The following NDUFA11 variants were observed in gnomAD, a reference collection of about 807,000 sequenced individuals.
NDUFA11 encodes the protein NADH dehydrogenase [ubiquinone] 1 alpha subcomplex subunit 11.
A neutral mutation model predicts 11.3 loss-of-function variants in NDUFA11; 14 were observed. The ratio of observed to expected loss-of-function variants is 1.24; its 90% confidence interval spans 0.82 to 1.94. The LOEUF (loss-of-function observed/expected upper bound fraction) is 1.94. Among genes scored for constraint, NDUFA11 ranks in the 30% most tolerant of loss-of-function variants. The pLI is 0.00. For missense variants in NDUFA11, 204 were observed against 200.3 expected (o/e 1.02, Z -0.11); for synonymous variants, 87 against 85.6 (o/e 1.02, Z -0.09).
downstream of NDUFA11, chr19:5,891,503 G>T (rs2057578249): frequency 6.6e-6 from 1 of 152,240 alleles, no homozygotes; most frequent in African/African-American, 2.4e-5. Flanking sequence ...TGATCCCCCA[G>T]CCTCGGCCTC....
At chr19:5,903,028 AGG>A (rs1416278692) in intron 1 of NDUFA11, among the ~76,000 whole-genome samples, 1 of 146,170 alleles carries the variant, frequency 6.8e-6, no homozygotes, top group Non-Finnish European at 1.5e-5. Flanking sequence ...AAAAAAAAAA[AGG>A]AGAATGCCAG....
intron 1 of NDUFA11, chr19:5,901,279 C>T (rs1016379604): frequency 1.6e-6 from 2 of 1,252,712 alleles, no homozygotes; most frequent in South Asian, 1.3e-5. Context: ...AGTTTCAGAT[C>T]CTATCCCCTG....
chr19:5,899,063 GCACACA>G, intron 1 of NDUFA11, among the ~76,000 whole-genome samples: 1 of 147,332 alleles, frequency 6.8e-6, no homozygotes, highest in Non-Finnish European at 1.5e-5. Flanking sequence ...TTCAGTCAGT[GCACACA>G]CACACACACA....
intron 1 of NDUFA11, 30 bp from the exon 2 acceptor site, chr19:5,897,027 A>C (rs1333408842): frequency 6.4e-7 from 1 of 1,574,656 alleles, no homozygotes; most frequent in Non-Finnish European, 8.7e-7. Context: ...GGCTGTTCAG[A>C]CCCCACTGCT....
At chr19:5,900,620 A>G (rs1427637572) in intron 1 of NDUFA11, among the ~76,000 whole-genome samples, 5 of 152,208 alleles carry the variant, frequency 3.3e-5, no homozygotes, top group Non-Finnish European at 2.9e-5. Context: ...CTGGTCACTG[A>G]AGAATTTAGG....
downstream of NDUFA11, chr19:5,893,429 C>T: frequency 1.8e-6 from 1 of 566,044 alleles, no homozygotes; most frequent in Non-Finnish European, 3.2e-6. This position sits in a 1 kb window ranked among gnomAD's most constrained non-coding sequence, Gnocchi z 4.1. Context: ...CCTGCCACTG[C>T]CCTCCAGCTT....
chr19:5,902,613 T>C (rs1248512381), intron 1 of NDUFA11: 1 of 152,366 alleles, frequency 6.6e-6, no homozygotes, highest in Non-Finnish European at 1.5e-5. Flanking sequence ...CAGCTCCATC[T>C]GGGACCTGAT....
chr19:5,901,436 TC>T, intron 1 of NDUFA11: 1 of 1,287,104 alleles, frequency 7.8e-7, no homozygotes, highest in South Asian at 1.2e-5. Context: ...AATATGCTTC[TC>T]CAACCTTCAG....
At chr19:5,902,455 G>A (rs2057651898) in intron 1 of NDUFA11, 1 of 152,266 alleles carries the variant, frequency 6.6e-6, no homozygotes, top group Non-Finnish European at 1.5e-5. Flanking sequence ...TGCAGAGATG[G>A]GGATCTTGCT....
At chr19:5,898,710 C>T (rs1035642407) in intron 1 of NDUFA11, among the ~76,000 whole-genome samples, 1 of 151,850 alleles carries the variant, frequency 6.6e-6, no homozygotes, top group Non-Finnish European at 1.5e-5. Context: ...CCCTTCTCTA[C>T]TAAAAATACA....
In NDUFA11 at chr19:5,894,962, A is replaced by G. The variant is rs1018686730; in HGVS notation, c.314-108T>C. 6.5e-6 allele frequency: 8 copies of G among 1,226,242 alleles called. No individual in the cohort carries two copies. The African/African-American group carries it at 1.2e-4, about 19-fold the overall frequency. 76.0% of individuals were successfully genotyped at this position (1,226,242 alleles called of 1,614,324 possible). A position where few individuals can be genotyped will look rare whatever the true frequency, so the allele number is the denominator to read the frequency against. On this transcript the variant is annotated intron_variant, in intron 3 of 3. Transcript: ENST00000308961. ...TGGGAGCCAGACTGAGACCCCTGAC[A>G]GGACACTCTCTTCAGGGATTAAGTC...
At chr19:5,901,154 C>G (rs558660285) in intron 1 of NDUFA11, 3 of 457,736 alleles carry the variant, frequency 6.6e-6, no homozygotes, top group East Asian at 7.9e-5. Flanking sequence ...CACCACACCC[C>G]GAGACAAGCT....
intron 3 of NDUFA11, 140 bp from the exon 4 acceptor site, chr19:5,894,994 G>T: frequency 1.0e-6 from 1 of 960,500 alleles, no homozygotes; most frequent in Non-Finnish European, 1.5e-6. Context: ...AGTCACTCAG[G>T]AAGAGGGCCC....
chr19:5,897,650 G>A (rs1451345340), intron 1 of NDUFA11, among the ~76,000 whole-genome samples: 1 of 152,192 alleles, frequency 6.6e-6, no homozygotes, highest in Non-Finnish European at 1.5e-5. Flanking sequence ...TCGCCACTCC[G>A]GTCAGCTTTT....
At position 5,895,008 on chromosome 19, in the gene NDUFA11, A is replaced by T. The variant is rs1010572920; in HGVS notation, c.314-154T>A. ...AAGTCACTCAGGAAGAGGGCCCTAGACTCTGGAGATGTGGAAACTGATGCA... is the reference window on the plus strand; with the variant it reads ...AAGTCACTCAGGAAGAGGGCCCTAGTCTCTGGAGATGTGGAAACTGATGCA... On this transcript the variant is annotated intron_variant, in intron 3 of 3. Transcript: ENST00000308961. 4 of 868,120 alleles carry T rather than the reference A, an allele frequency of 4.6e-6. No individual in the cohort carries two copies. The South Asian group carries it at 7.2e-5, about 16-fold the overall frequency. 53.8% of individuals were successfully genotyped at this position (868,120 alleles called of 1,614,324 possible).
intron 1 of NDUFA11, among the ~76,000 whole-genome samples, chr19:5,900,437 C>T (rs1374511189): frequency 6.6e-6 from 1 of 152,198 alleles, no homozygotes; most frequent in Non-Finnish European, 1.5e-5. Flanking sequence ...AGGTCCTGGG[C>T]TCTGCTGAGT....
chr19:5,897,032 A>G, intron 1 of NDUFA11, 35 bp from the exon 2 acceptor site: 2 of 1,561,558 alleles, frequency 1.3e-6, no homozygotes, highest in Non-Finnish European at 1.8e-6. Flanking sequence ...TTCAGACCCC[A>G]CTGCTGCTAA....
chr19:5,903,451 T>G (rs1315595330), intron 1 of NDUFA11, among the ~76,000 whole-genome samples, 161 bp downstream of exon 1: 11 of 150,936 alleles, frequency 7.3e-5, no homozygotes, highest in Non-Finnish European at 3.0e-5. Flanking sequence ...CAACATCCAT[T>G]TCACACAAGA....
chr19:5,896,923 G>A lies in NDUFA11; in HGVS notation c.172C>T (p.Gln58Ter). The part of the protein sequence containing the change: ...TFLEGVAKVG[Q>*]YTFTAAAVGA... Reference sequence around the variant, plus strand: ...TGCTCACCTGCAGTGAACGTGTATTGTCCAACCTTAGCCACTCCTTCAAGG... The same window carrying A: ...TGCTCACCTGCAGTGAACGTGTATTATCCAACCTTAGCCACTCCTTCAAGG... The change falls in exon 2 of 4, where the codon CAA (glutamine) becomes TAA (stop). Residue 58 changes from glutamine (Q) to a stop codon, truncating the protein, a stop_gained. Coordinates refer to ENST00000308961, the MANE Select transcript of NDUFA11 (RefSeq NM_175614.5). LOFTEE classifies it high-confidence loss of function. This position sits in a 1 kb window ranked among gnomAD's most constrained non-coding sequence, Gnocchi z 5.8. 1.2e-6 allele frequency: 2 copies of A among 1,613,996 alleles called. No individual in the cohort carries two copies. The highest frequency in any genetic ancestry group is 1.7e-6 in the Non-Finnish European group (2 of 1,179,968).
Sources: gnomAD v4.1 joint callset for allele counts (sites outside exome capture counted in the v4.1 genomes callset) on GRCh38, gnomAD v4.1.1 for gene constraint, Gnocchi (gnomAD v3.1) non-coding constraint, MANE v1.5 for transcripts, NCBI Gene and HGNC (gene_info 2026-07-23, HGNC 2026-07-21) for gene names.